The following EYS variants were observed in gnomAD, a reference collection of about 807,000 sequenced individuals.
The protein encoded by EYS is EGF-like photoreceptor maintenance factor.
Under a neutral mutation model 282.1 loss-of-function variants are expected in EYS, and 250 were observed. That is an observed-to-expected ratio of 0.89 (90% confidence interval 0.80 to 0.98). The LOEUF is 0.98. Ranked by LOEUF, EYS falls within the 50% of genes least tolerant of loss-of-function variation. The pLI is 0.00. For synonymous variants in EYS, 1,355 were observed against 1,282.9 expected (o/e 1.06, Z -1.20); for missense variants, 4,016 against 3,709.0 (o/e 1.08, Z -2.15).
chr6:65,323,626 G>A (rs1401429413), intron 11 of EYS, among the ~76,000 whole-genome samples: 7 of 121,688 alleles, frequency 5.8e-5, no homozygotes, highest in East Asian at 5.0e-4. Flanking sequence ...TGAGCCAGGA[G>A]AGGCAAAATA....
chr6:64,889,622 C>A (rs1767215510), intron 18 of EYS, among the ~76,000 whole-genome samples: 3 of 151,988 alleles, frequency 2.0e-5, no homozygotes, highest in African/African-American at 7.2e-5. Context: ...ATTTCTTATG[C>A]CTGTCTTTAC....
At chr6:64,220,905 T>C (rs2150333078) in intron 31 of EYS, among the ~76,000 whole-genome samples, 1 of 152,294 alleles carries the variant, frequency 6.6e-6, no homozygotes, top group South Asian at 2.1e-4. Context: ...CCTCCATTTT[T>C]TCTCTTGAAT....
chr6:64,273,804 C>T (rs1181093176), intron 30 of EYS, among the ~76,000 whole-genome samples: 1 of 152,172 alleles, frequency 6.6e-6, no homozygotes, highest in African/African-American at 2.4e-5. Flanking sequence ...CCCTTTTCCT[C>T]ATGGCAAAGT....
At chr6:65,152,806 A>G (rs1296001594) in intron 12 of EYS, among the ~76,000 whole-genome samples, 1 of 151,640 alleles carries the variant, frequency 6.6e-6, no homozygotes, top group African/African-American at 2.4e-5. Flanking sequence ...AAAATAAAAA[A>G]TGATAATTTT....
At chr6:64,970,045 A>G (rs1346794658) in intron 14 of EYS, among the ~76,000 whole-genome samples, 2 of 152,176 alleles carry the variant, frequency 1.3e-5, no homozygotes, top group Non-Finnish European at 2.9e-5. Flanking sequence ...ATGGACACAT[A>G]CATTTATAAG....
At chr6:64,947,559 T>G (rs1769328595) in intron 14 of EYS, among the ~76,000 whole-genome samples, 1 of 151,868 alleles carries the variant, frequency 6.6e-6, no homozygotes, top group South Asian at 2.1e-4. Flanking sequence ...TTAGCAGATT[T>G]TTTTTTCACA....
chr6:65,526,817 T>C (rs1767585210), intron 2 of EYS, among the ~76,000 whole-genome samples: 2 of 151,730 alleles, frequency 1.3e-5, no homozygotes, highest in Non-Finnish European at 1.5e-5. Context: ...AAAAACAAAA[T>C]TAAATTTAAA....
intron 41 of EYS, among the ~76,000 whole-genome samples, chr6:63,746,087 G>A (rs796499275): frequency 2.0e-4 from 30 of 152,312 alleles, no homozygotes; most frequent in African/African-American, 7.0e-4. Flanking sequence ...GTGGTATTTT[G>A]AGATACTTTC....
intron 37 of EYS, among the ~76,000 whole-genome samples, chr6:63,803,595 T>C (rs1049799320): frequency 1.3e-5 from 2 of 152,166 alleles, no homozygotes; most frequent in African/African-American, 4.8e-5. Context: ...ATAGAGGACA[T>C]AGCATTTGAA....
chr6:64,486,638 A>T (rs755361665), intron 26 of EYS, among the ~76,000 whole-genome samples: 9 of 151,412 alleles, frequency 5.9e-5, no homozygotes, highest in Non-Finnish European at 1.3e-4. Flanking sequence ...CTATCCCTGG[A>T]TCTGTTTCTA....
intron 26 of EYS, among the ~76,000 whole-genome samples, chr6:64,471,810 A>T (rs1450112167): frequency 6.6e-6 from 1 of 152,218 alleles, no homozygotes; most frequent in Non-Finnish European, 1.5e-5. Context: ...AGCTGGAAGC[A>T]TCACACTCTT....
chr6:64,115,466 A>G (rs572977097), intron 31 of EYS, among the ~76,000 whole-genome samples: 4 of 152,194 alleles, frequency 2.6e-5, no homozygotes, highest in African/African-American at 9.6e-5. Flanking sequence ...CATGAGAGAA[A>G]AAGAGATAAG....
intron 23 of EYS, among the ~76,000 whole-genome samples, chr6:64,618,951 C>A (rs1019441242): frequency 6.6e-6 from 1 of 152,098 alleles, no homozygotes; most frequent in Non-Finnish European, 1.5e-5. Context: ...TAAAAATACA[C>A]CCTGATAAAT....
At chr6:64,730,625 G>A (rs1390228243) in intron 22 of EYS, among the ~76,000 whole-genome samples, 1 of 151,966 alleles carries the variant, frequency 6.6e-6, no homozygotes, top group African/African-American at 2.4e-5. Context: ...CTACAGGCAC[G>A]CACCACCATG....
chr6:65,125,042 C>T (rs926992661), intron 12 of EYS, among the ~76,000 whole-genome samples: 1 of 152,158 alleles, frequency 6.6e-6, no homozygotes, highest in African/African-American at 2.4e-5. Flanking sequence ...AAAGCTTTAA[C>T]ACTTTGAACA....
At chr6:65,049,288 T>G (rs1011594772) in intron 13 of EYS, among the ~76,000 whole-genome samples, 3 of 151,940 alleles carry the variant, frequency 2.0e-5, no homozygotes, top group African/African-American at 7.2e-5. Context: ...CAGAGTAATT[T>G]TAGCTAAACT....
rs1771367586 is a variant in EYS, at chr6:64,066,325, G to C, written c.6725+13C>G. 3 of 1,541,728 alleles carry C rather than the reference G, an allele frequency of 1.9e-6. No homozygotes were observed. Among genetic ancestry groups the C allele is most frequent in the Non-Finnish European group, 2.6e-6 (3 of 1,141,682 alleles). On this transcript the variant is annotated intron_variant, in intron 33 of 42. Coordinates refer to ENST00000503581, the MANE Select transcript of EYS (RefSeq NM_001142800.2). ...TTCAGCACGAAAGAACTACCGTGGA[G>C]TACAGTACTTACCGTATTGTGATAG...
At chr6:65,397,497 T>A (rs964404764) in intron 7 of EYS, among the ~76,000 whole-genome samples, 7 of 151,956 alleles carry the variant, frequency 4.6e-5, no homozygotes, top group African/African-American at 1.7e-4. Context: ...TCCGAGTCAT[T>A]TCACTTATGA....
intron 2 of EYS, among the ~76,000 whole-genome samples, chr6:65,607,110 T>C (rs1765826925): frequency 6.6e-6 from 1 of 151,804 alleles, no homozygotes. Context: ...ACTTTTGAAG[T>C]TAATGTTTTG....
Sources: allele counts gnomAD v4.1 joint callset (sites outside exome capture counted in the v4.1 genomes callset), GRCh38; gene constraint gnomAD v4.1.1; transcripts MANE v1.5; gene names NCBI Gene and HGNC (gene_info 2026-07-23, HGNC 2026-07-21).